The following TENM4 variants were observed in gnomAD, a reference collection of about 807,000 sequenced individuals.
The protein encoded by TENM4 is teneurin-4.
Under a neutral mutation model 243.3 loss-of-function variants are expected in TENM4, and 82 were observed. The ratio of observed to expected loss-of-function variants is 0.34; its 90% confidence interval spans 0.28 to 0.40. TENM4 has a LOEUF of 0.40. Among genes scored for constraint, TENM4 ranks in the 10% least tolerant of loss-of-function variants. The pLI is 1.00. For missense variants in TENM4, 3,138 were observed against 3,673.3 expected (o/e 0.85, Z 3.77); for synonymous variants, 1,412 against 1,456.3 (o/e 0.97, Z 0.69).
intron 6 of TENM4, among the ~76,000 whole-genome samples, chr11:79,059,938 G>A (rs981017911): frequency 4.6e-5 from 7 of 152,200 alleles, no homozygotes; most frequent in African/African-American, 1.2e-4. Context: ...ACTGCCTGCT[G>A]CACCTCTATT....
At chr11:78,969,110 T>G (rs953894660) in intron 6 of TENM4, among the ~76,000 whole-genome samples, 9 of 152,228 alleles carry the variant, frequency 5.9e-5, no homozygotes, top group Non-Finnish European at 1.3e-4. Flanking sequence ...GCTTGCTCAC[T>G]GTAAAGGCTC....
chr11:78,916,242 A>C (rs570047442), intron 6 of TENM4, among the ~76,000 whole-genome samples: 2 of 152,346 alleles, frequency 1.3e-5, no homozygotes, highest in Non-Finnish European at 2.9e-5. Flanking sequence ...ATAATAGCAT[A>C]ATCTACTTCT....
chr11:79,356,557 T>C (rs772545874), intron 1 of TENM4, among the ~76,000 whole-genome samples: 3 of 152,216 alleles, frequency 2.0e-5, no homozygotes, highest in Non-Finnish European at 4.4e-5. Flanking sequence ...AGAAGCCCTC[T>C]GGGCTTACAG....
intron 4 of TENM4, among the ~76,000 whole-genome samples, chr11:79,107,204 A>T (rs1010846194): frequency 1.3e-5 from 2 of 152,146 alleles, no homozygotes; most frequent in African/African-American, 2.4e-5. Flanking sequence ...TATCATAATC[A>T]CTATGGCATG....
intron 2 of TENM4, among the ~76,000 whole-genome samples, chr11:79,280,512 G>A (rs1856137624): frequency 6.6e-6 from 1 of 152,164 alleles, no homozygotes; most frequent in Admixed American, 6.5e-5. Context: ...GCCACACATG[G>A]GAACCACACA....
At chr11:78,661,847 T>A (rs1858039261) in intron 32 of TENM4, among the ~76,000 whole-genome samples, 1 of 152,168 alleles carries the variant, frequency 6.6e-6, no homozygotes, top group African/African-American at 2.4e-5. Context: ...GACTTCCTTT[T>A]CTATTTTCAC....
chr11:79,269,536 G>A (rs1445172938), intron 2 of TENM4: 1 of 152,384 alleles, frequency 6.6e-6, no homozygotes, highest in Admixed American at 6.5e-5. Flanking sequence ...GCATCTTCCA[G>A]GAGGGGAATA....
chr11:78,912,174 G>C (rs1446602634), intron 6 of TENM4, among the ~76,000 whole-genome samples: 3 of 152,190 alleles, frequency 2.0e-5, no homozygotes, highest in South Asian at 2.1e-4. Context: ...TCTGGCAATG[G>C]ACCACAAAGA....
At chr11:79,412,921 C>G (rs957407992) in intron 1 of TENM4, among the ~76,000 whole-genome samples, 4 of 152,226 alleles carry the variant, frequency 2.6e-5, no homozygotes, top group Non-Finnish European at 5.9e-5. Flanking sequence ...AGACAACACT[C>G]AGTCCAGAAA....
chr11:78,861,508 C>G (rs75529073), intron 10 of TENM4, among the ~76,000 whole-genome samples: 9 of 152,168 alleles, frequency 5.9e-5, no homozygotes, highest in Admixed American at 5.2e-4. Context: ...AAAGTGTGCA[C>G]TATTTAGCAT....
intron 2 of TENM4, among the ~76,000 whole-genome samples, chr11:79,216,967 G>A (rs900170412): frequency 2.0e-5 from 3 of 152,130 alleles, no homozygotes; most frequent in African/African-American, 7.2e-5. Flanking sequence ...TTCTGGCCCA[G>A]CTGCTGATTG....
chr11:79,020,202 C>G (rs1049464129), intron 6 of TENM4, among the ~76,000 whole-genome samples: 1 of 152,168 alleles, frequency 6.6e-6, no homozygotes, highest in East Asian at 1.9e-4. Flanking sequence ...ATCAAGAGAG[C>G]CCCCTTGCTG....
chr11:79,174,215 G>T (rs1354018760), intron 3 of TENM4, among the ~76,000 whole-genome samples: 2 of 151,838 alleles, frequency 1.3e-5, no homozygotes, highest in Non-Finnish European at 2.9e-5. Context: ...TTCTTTGCCC[G>T]GGTGCTTCTA....
intron 1 of TENM4, among the ~76,000 whole-genome samples, chr11:79,398,737 T>TGA (rs1395853804): frequency 2.8e-4 from 29 of 102,766 alleles, no homozygotes; most frequent in African/African-American, 1.0e-3. Context: ...TCAGATGCTT[T>TGA]AAAAAAAAAA....
At chr11:79,355,975 C>A (rs764020866) in intron 1 of TENM4, among the ~76,000 whole-genome samples, 4 of 152,136 alleles carry the variant, frequency 2.6e-5, no homozygotes, top group African/African-American at 9.7e-5. Context: ...TTGAGGGGCC[C>A]AAGGCAGAAC....
intron 2 of TENM4, among the ~76,000 whole-genome samples, chr11:79,217,861 T>G (rs556903062): frequency 2.6e-5 from 4 of 152,242 alleles, no homozygotes; most frequent in Non-Finnish European, 5.9e-5. Context: ...TAGCTGGGAT[T>G]ACAGGTGCCC....
chr11:79,313,932 C>T (rs934867399), intron 1 of TENM4, among the ~76,000 whole-genome samples: 5 of 152,180 alleles, frequency 3.3e-5, no homozygotes, highest in African/African-American at 7.2e-5. Context: ...CTCTACTCCC[C>T]GGTGGCCAAT....
At chr11:78,987,850 A>C (rs937212230) in intron 6 of TENM4, among the ~76,000 whole-genome samples, 2 of 150,990 alleles carry the variant, frequency 1.3e-5, no homozygotes, top group Non-Finnish European at 2.9e-5. Context: ...ATAGATGAAG[A>C]AACTGACGGT....
chr11:78,694,163 C>T (rs1027977480), intron 28 of TENM4, among the ~76,000 whole-genome samples: 46 of 152,134 alleles, frequency 3.0e-4, no homozygotes, highest in African/African-American at 9.4e-4. Context: ...AGGAAAACGC[C>T]GAATTGCCCT....
Sources: allele counts gnomAD v4.1 joint callset (sites outside exome capture counted in the v4.1 genomes callset), GRCh38; gene constraint gnomAD v4.1.1; transcripts MANE v1.5; gene names NCBI Gene and HGNC (gene_info 2026-07-23, HGNC 2026-07-21).